Variants in STON2 observed in about 807,000 individuals in gnomAD.
STON2 encodes stonin-2.
Under a neutral mutation model 65.7 loss-of-function variants are expected in STON2, and 29 were observed. The ratio of observed to expected loss-of-function variants is 0.44; its 90% CI spans 0.33 to 0.60. STON2 has a LOEUF of 0.60. Among genes scored for constraint, STON2 ranks in the 20% least tolerant of loss-of-function variants. The pLI, the probability that STON2 is intolerant of heterozygous loss-of-function variation, is 0.03. For missense variants in STON2, 1,054 were observed against 1,118.1 expected (o/e 0.94, Z 0.82); for synonymous variants, 404 against 414.2 (o/e 0.98, Z 0.30).
At chr14:81,280,994 G>A (rs1157784411) in intron 5 of STON2, among the ~76,000 whole-genome samples, 4 of 144,306 alleles carry the variant, frequency 2.8e-5, no homozygotes, top group African/African-American at 1.1e-4. Flanking sequence ...CTGAGCGATA[G>A]AGCGAAACTC....
At position 81,265,638 on chromosome 14, in the gene STON2, T is replaced by C; in HGVS notation, c.*2776A>G. The C allele has an allele frequency of 3.5e-6, 1 of 284,794 alleles. No homozygotes were observed. Among genetic ancestry groups the C allele is most frequent in the Non-Finnish European group, 4.8e-6 (1 of 209,168 alleles). The allele number at this position is 284,794 out of a possible 1,614,324, so 17.6% of individuals were successfully genotyped here. On this transcript the variant is annotated 3_prime_UTR_variant, in exon 8 of 8. Transcript: ENST00000614646. ...CCAGCCTGGGCGACAAGAGCGAAAC[T>C]TTGTCTCAGTAATAATAATAATAAT...
chr14:81,396,090 G>A lies in STON2; in HGVS notation c.177C>T (p.Gly59=). Residue 59 remains glycine, a synonymous_variant, in exon 3 of 8, where the codon GGC becomes GGT. Transcript: ENST00000614646. ...SSGENHVVDG[G]SQDHSHSEQD... is the part of the protein sequence containing the mutation. ...GCTCCGAGTGGGAATGGTCTTGAGAGCCTCCATCCACCACATGGTTCTCCC... is the reference window on the plus strand; with the variant it reads ...GCTCCGAGTGGGAATGGTCTTGAGAACCTCCATCCACCACATGGTTCTCCC... 1.2e-6 allele frequency: 2 copies of A among 1,614,158 alleles called. No individual in the cohort carries two copies. The highest frequency in any genetic ancestry group is 1.7e-6 in the Non-Finnish European group (2 of 1,180,010).
intron 4 of STON2, among the ~76,000 whole-genome samples, chr14:81,357,113 AC>A (rs1266794329): frequency 7.2e-5 from 11 of 151,924 alleles, no homozygotes; most frequent in Non-Finnish European, 1.3e-4. Flanking sequence ...TGAACAGGCA[AC>A]CCACAAAATG....
chr14:81,366,162 G>A (rs958398839), intron 4 of STON2, among the ~76,000 whole-genome samples: 2 of 152,220 alleles, frequency 1.3e-5, no homozygotes, highest in African/African-American at 4.8e-5. Flanking sequence ...ACCAAGGTAA[G>A]GGGATTTGTT....
chr14:81,434,752 A>G (rs897111050), intron 1 of STON2, among the ~76,000 whole-genome samples: 1 of 152,184 alleles, frequency 6.6e-6, no homozygotes, highest in Non-Finnish European at 1.5e-5. Context: ...CTACATGTCG[A>G]TATTTTAAGT....
intron 4 of STON2, among the ~76,000 whole-genome samples, chr14:81,354,390 C>T (rs906202320): frequency 6.6e-6 from 1 of 152,318 alleles, no homozygotes; most frequent in African/African-American, 2.4e-5. Flanking sequence ...TACAAAAGAA[C>T]ACCTGTAACA....
chr14:81,295,199 C>G (rs1174847597), intron 5 of STON2, among the ~76,000 whole-genome samples: 1 of 152,146 alleles, frequency 6.6e-6, no homozygotes, highest in East Asian at 1.9e-4. Context: ...GTGGCGGGCA[C>G]CTGTAGTCCC....
At chr14:81,418,070 T>C (rs1316325501) in intron 2 of STON2, 3 of 152,222 alleles carry the variant, frequency 2.0e-5, no homozygotes, top group African/African-American at 7.2e-5. Context: ...TTCAGAGCCA[T>C]TACACAGAAG....
At chr14:81,425,874 T>G (rs2139914561) in intron 2 of STON2, among the ~76,000 whole-genome samples, 1 of 152,366 alleles carries the variant, frequency 6.6e-6, no homozygotes, top group South Asian at 2.1e-4. Context: ...AGTATTTCCC[T>G]GACCTCTCTC....
chr14:81,392,290 G>A (rs1900115931), intron 3 of STON2, among the ~76,000 whole-genome samples: 1 of 152,164 alleles, frequency 6.6e-6, no homozygotes, highest in South Asian at 2.1e-4. Flanking sequence ...ACTTGCAGCA[G>A]GGAAGAGCCT....
chr14:81,332,100 G>A (rs527892331), intron 4 of STON2, among the ~76,000 whole-genome samples: 1 of 152,164 alleles, frequency 6.6e-6, no homozygotes, highest in Non-Finnish European at 1.5e-5. Flanking sequence ...CCAAATTTCT[G>A]GAGAAGTTCC....
intron 6 of STON2, 119 bp from the exon 7 acceptor site, chr14:81,270,991 G>T: frequency 7.3e-7 from 1 of 1,374,194 alleles, no homozygotes; most frequent in Non-Finnish European, 9.6e-7. Context: ...CAGCCTTTCA[G>T]AGGGTCCAGT....
intron 5 of STON2, among the ~76,000 whole-genome samples, chr14:81,296,824 G>A (rs953680828): frequency 6.6e-6 from 1 of 152,038 alleles, no homozygotes; most frequent in Non-Finnish European, 1.5e-5. Context: ...AAATGTTGAT[G>A]GCAAATAAAG....
At chr14:81,389,579 G>A (rs1899981950) in intron 3 of STON2, among the ~76,000 whole-genome samples, 1 of 152,160 alleles carries the variant, frequency 6.6e-6, no homozygotes, top group African/African-American at 2.4e-5. Context: ...AGCACGAGAG[G>A]GCCATTTTGT....
chr14:81,301,128 C>T (rs914795496), intron 5 of STON2, among the ~76,000 whole-genome samples: 6 of 151,986 alleles, frequency 3.9e-5, no homozygotes, highest in Admixed American at 2.6e-4. Context: ...ACACCAACCC[C>T]ATAAGGAAGA....
At chr14:81,271,824 A>T (rs1404331438) in intron 6 of STON2, among the ~76,000 whole-genome samples, 1 of 152,190 alleles carries the variant, frequency 6.6e-6, no homozygotes, top group Non-Finnish European at 1.5e-5. Context: ...TTCTATGTTA[A>T]ATCTTTTATA....
intron 6 of STON2, among the ~76,000 whole-genome samples, chr14:81,271,484 C>T (rs943775432): frequency 1.3e-5 from 2 of 152,200 alleles, no homozygotes; most frequent in African/African-American, 2.4e-5. Context: ...TGCTAAGCAG[C>T]AGAGCTCCTG....
chr14:81,414,022 G>A, intron 2 of STON2, among the ~76,000 whole-genome samples: 1 of 138,786 alleles, frequency 7.2e-6, no homozygotes, highest in African/African-American at 3.0e-5. Flanking sequence ...CAATGGAGAT[G>A]AAGAGAAAGA....
chr14:81,410,733 T>C (rs1202398134), intron 2 of STON2, among the ~76,000 whole-genome samples: 1 of 152,032 alleles, frequency 6.6e-6, no homozygotes, highest in Non-Finnish European at 1.5e-5. Context: ...AACCAATACA[T>C]AAACCAAGAA....
Sources: gnomAD v4.1 joint callset for allele counts (sites outside exome capture counted in the v4.1 genomes callset) on GRCh38, gnomAD v4.1.1 for gene constraint, MANE v1.5 for transcripts, NCBI Gene and HGNC (gene_info 2026-07-23, HGNC 2026-07-21) for gene names.